The following MICAL2 variants were observed in gnomAD, a reference collection of about 807,000 sequenced individuals.
MICAL2 encodes microtubule associated monooxygenase, calponin and LIM domain containing 2.
MICAL2 carries 77 observed loss-of-function variants against 127.3 expected under a neutral mutation model. The observed-to-expected ratio is 0.60, with a 90% CI of 0.50 to 0.73. The LOEUF (loss-of-function observed/expected upper bound fraction) is 0.73, where lower values mean the gene tolerates loss of function less well. Ranked by LOEUF, MICAL2 falls within the 30% of genes least tolerant of loss-of-function variation. The pLI is 0.00. For synonymous variants in MICAL2, 570 were observed against 551.1 expected (o/e 1.03, Z -0.48); for missense variants, 1,351 against 1,434.4 (o/e 0.94, Z 0.94).
Position 12,221,690 on chromosome 11 carries a change from C to G in MICAL2, c.1253C>G (p.Ala418Gly). The G allele has an allele frequency of 3.7e-6, 6 of 1,613,864 alleles. No homozygotes were observed. Among genetic ancestry groups the G allele is most frequent in the Non-Finnish European group, 5.1e-6 (6 of 1,179,888 alleles). The change falls in exon 10 of 28, where the codon GCC becomes GGC. Residue 418 changes from alanine to glycine, a missense_variant. Around this residue, in one of 2 missense-constraint regions of MICAL2, gnomAD observed 599 missense variants for 714.9 expected, o/e 0.84. Transcript: ENST00000683283. ...GTGCARGFLA[A>G]FDTAWMVKSW... ...GGCTGTGCCCGTGGCTTCCTGGCAGCCTTTGACACGGCATGGATGGTGAAG... is the reference window on the plus strand; with the variant it reads ...GGCTGTGCCCGTGGCTTCCTGGCAGGCTTTGACACGGCATGGATGGTGAAG...
chr11:12,323,990 C>T (rs769246693), exon 31 of MICAL2: 3 of 1,609,076 alleles, frequency 1.9e-6, no homozygotes, highest in Non-Finnish European at 1.7e-6. Context: ...GAAGAAGACA[C>T]TTAGAAGAAG....
chr11:12,159,652 A>G (rs1301337722), intron 2 of MICAL2, among the ~76,000 whole-genome samples: 1 of 152,236 alleles, frequency 6.6e-6, no homozygotes, highest in Non-Finnish European at 1.5e-5. Context: ...GCAAGTTCAA[A>G]TAGCCTTGTG....
At chr11:12,335,085 C>T (rs1426016593) in intron 32 of MICAL2, among the ~76,000 whole-genome samples, 2 of 150,842 alleles carry the variant, frequency 1.3e-5, no homozygotes, top group Non-Finnish European at 1.5e-5. Flanking sequence ...TAAAAGTGTT[C>T]CTATTTCTCC....
At chr11:12,189,430 A>G (rs1190025029) in intron 3 of MICAL2, among the ~76,000 whole-genome samples, 3 of 152,192 alleles carry the variant, frequency 2.0e-5, no homozygotes, top group African/African-American at 7.2e-5. Flanking sequence ...GTGTTTTTTG[A>G]ATGAATGCAT....
rs575348216 is a variant in MICAL2, at chr11:12,113,092, C to T, written c.-149+2366C>T. Among the ~76,000 whole-genome samples, 5 of 152,258 alleles carry T rather than the reference C, an allele frequency of 3.3e-5. No homozygotes were observed. The South Asian group carries it at 1.0e-3, about 32-fold the overall frequency. ...GTTAAACATTGCTGATCCTAGATGT[C>T]CTCTGAGGGCTAACAGTCTCTATTC... On this transcript the variant is annotated intron_variant, in intron 1 of 27. Transcript: ENST00000683283.
intron 21 of MICAL2, among the ~76,000 whole-genome samples, chr11:12,247,331 T>C (rs1860890602): frequency 6.6e-6 from 1 of 152,248 alleles, no homozygotes; most frequent in Non-Finnish European, 1.5e-5. Context: ...GCCCCATTTT[T>C]GTTCTTTTAA....
At chr11:12,243,037 A>C (rs1860199279) in intron 20 of MICAL2, 1 of 309,932 alleles carries the variant, frequency 3.2e-6, no homozygotes, top group Admixed American at 5.5e-5. Context: ...TACTATAAGA[A>C]GCACAAGCCG....
In MICAL2 at chr11:12,111,633, G is replaced by A. The variant is rs78074827; in HGVS notation, c.-149+907G>A. Among the ~76,000 whole-genome samples the A allele has an allele frequency of 7.8e-3, 1,182 of 152,344 alleles. 12 individuals carry two copies. Among genetic ancestry groups the A allele is most frequent in the African/African-American group, 0.027 (1,118 of 41,580 alleles). ...TTAAAGCGGAAAGAGCTTTTATTTG[G>A]AAGCCTGTAGGGCCCCGCCAGGCCT... On this transcript the variant is annotated intron_variant, in intron 1 of 27. Transcript: ENST00000683283.
intron 31 of MICAL2, among the ~76,000 whole-genome samples, chr11:12,325,133 A>T (rs1215810992): frequency 1.3e-5 from 2 of 152,068 alleles, no homozygotes; most frequent in Non-Finnish European, 2.9e-5. Flanking sequence ...TTTTTGAGAC[A>T]GAGTCTTGCT....
At chr11:12,171,718 TG>T (rs201193160) in intron 3 of MICAL2, among the ~76,000 whole-genome samples, 2,018 of 152,262 alleles carry the variant, frequency 0.013, 15 homozygotes, top group Non-Finnish European at 0.02. Context: ...TAAGGAGAAG[TG>T]AGGAGAGAGG....
intron 32 of MICAL2, among the ~76,000 whole-genome samples, chr11:12,349,189 G>A (rs1242358378): frequency 1.3e-5 from 2 of 152,202 alleles, no homozygotes; most frequent in Non-Finnish European, 1.5e-5. Flanking sequence ...TATCTAAGAA[G>A]CAGTGCCAGT....
At chr11:12,262,454 T>C in intron 26 of MICAL2, 26 bp from the exon 27 acceptor site, 1 of 1,613,348 alleles carries the variant, frequency 6.2e-7, no homozygotes, top group South Asian at 1.1e-5. Flanking sequence ...TTCTCTCTCT[T>C]TCCAATCTTA....
At chr11:12,257,094 T>C in intron 24 of MICAL2, 123 bp downstream of exon 24, 1 of 1,089,322 alleles carries the variant, frequency 9.2e-7, no homozygotes. Context: ...AAGTATGATG[T>C]CATCAGGAAA....
intron 3 of MICAL2, among the ~76,000 whole-genome samples, chr11:12,195,121 G>A (rs11022247): frequency 0.023 from 3,448 of 152,222 alleles, 52 homozygotes; most frequent in Non-Finnish European, 0.034. Flanking sequence ...GCCAGGTGTG[G>A]TGGTGTGTAT....
Position 12,242,228 on chromosome 11 carries a change from C to T in MICAL2, c.2352C>T (p.Val784=), listed in dbSNP as rs755840837. ...PPLKRQFPSV[V]VTGHVLRELK... ...CTCTTTCCCAGTTCCCCTCTGTGGT[C>T]GTGACGGGGCACGTGCTCAGAGAGC... The change falls in exon 19 of 28, where the codon GTC becomes GTT. Residue 784 remains valine, a synonymous_variant. Coordinates refer to ENST00000683283, the MANE Select transcript of MICAL2 (RefSeq NM_001282663.2). 20 of 1,607,316 alleles carry T rather than the reference C, an allele frequency of 1.2e-5. No individual in the cohort carries two copies. Among genetic ancestry groups the T allele is most frequent in the Admixed American group, 1.7e-5 (1 of 59,726 alleles).
At chr11:12,130,638 G>A (rs1299810096) in intron 1 of MICAL2, among the ~76,000 whole-genome samples, 3 of 152,184 alleles carry the variant, frequency 2.0e-5, no homozygotes, top group African/African-American at 7.2e-5. Context: ...GCAAGACAGG[G>A]ACCCTGCCAC....
At chr11:12,148,276 G>A (rs533842862) in intron 2 of MICAL2, among the ~76,000 whole-genome samples, 3 of 152,232 alleles carry the variant, frequency 2.0e-5, no homozygotes, top group East Asian at 1.9e-4. Flanking sequence ...GAGGATGAGC[G>A]AGGTTTGAGA....
chr11:12,165,273 G>C (rs552593529), intron 3 of MICAL2, among the ~76,000 whole-genome samples: 9 of 152,308 alleles, frequency 5.9e-5, no homozygotes, highest in African/African-American at 2.2e-4. Flanking sequence ...TTCATGTGTG[G>C]GTGGTTAATG....
intron 31 of MICAL2, chr11:12,324,152 T>A: frequency 6.7e-7 from 1 of 1,501,422 alleles, no homozygotes; most frequent in Non-Finnish European, 9.0e-7. Context: ...TTTGGGGGTC[T>A]GCATTGTATT....
Sources: allele counts gnomAD v4.1 joint callset (sites outside exome capture counted in the v4.1 genomes callset), GRCh38; gene constraint gnomAD v4.1.1; regional missense constraint gnomAD v4.1.1; transcripts MANE v1.5; gene names NCBI Gene and HGNC (gene_info 2026-07-23, HGNC 2026-07-21).